The following SVEP1 variants were observed in gnomAD, a reference collection of about 807,000 sequenced individuals.
SVEP1 encodes the protein sushi, von Willebrand factor type A, EGF and pentraxin domain containing 1, also known as sushi, von Willebrand factor type A, EGF and pentraxin domain-containing protein 1.
Under a neutral mutation model 367.3 loss-of-function variants are expected in SVEP1, and 164 were observed. The ratio of observed to expected loss-of-function variants is 0.45; its 90% CI spans 0.39 to 0.51. The LOEUF (loss-of-function observed/expected upper bound fraction) is 0.51. Ranked by LOEUF, SVEP1 falls within the 20% of genes least tolerant of loss-of-function variation. SVEP1 has a pLI of 0.00. For synonymous variants in SVEP1, 1,666 were observed against 1,611.6 expected, an observed-to-expected ratio of 1.03 and a Z score of -0.81; for missense variants, 4,117 against 4,425.3, an observed-to-expected ratio of 0.93 and a Z score of 1.98.
At chr9:110,381,195 T>A (rs1827430124) in intron 43 of SVEP1, among the ~76,000 whole-genome samples, 1 of 152,306 alleles carries the variant, frequency 6.6e-6, no homozygotes, top group Non-Finnish European at 1.5e-5. Flanking sequence ...TTTTTGTGTC[T>A]GTATCTCCTT....
chr9:110,423,168 T>G (rs1158175075), intron 36 of SVEP1, among the ~76,000 whole-genome samples: 4 of 103,636 alleles, frequency 3.9e-5, no homozygotes, highest in Non-Finnish European at 8.1e-5. Flanking sequence ...AAAAATAAAG[T>G]AAAAAAAAAA....
Position 110,528,156 on chromosome 9 carries a change from G to GTGTGTGCATATATA in SVEP1, c.965-14051_965-14050insTATATATGCACACA. Among the ~76,000 whole-genome samples the GTGTGTGCATATATA allele has an allele frequency of 1.5e-4, 5 of 33,950 alleles. No individual in the cohort carries two copies. In the South Asian group the frequency reaches 2.9e-3, roughly 20 times the overall value. The allele number at this position is 33,950 out of a possible 152,430, so 22.3% of individuals were successfully genotyped here. On this transcript the variant is annotated intron_variant, in intron 3 of 47. Transcript: ENST00000374469. Reference sequence around the variant, plus strand: ...CGTGTGTGTGTGTGTGTGTGTGTGTGTATATATATATATATATATATATAT... The same window carrying GTGTGTGCATATATA: ...CGTGTGTGTGTGTGTGTGTGTGTGTGTGTGTGCATATATATATATATATATATATATATATATAT...
rs549097556 is a variant in SVEP1 at position 110,565,508 on chromosome 9, C to G, written c.531+13505G>C. On this transcript the variant is annotated intron_variant, in intron 1 of 47. Transcript: ENST00000374469. ...GCTAAAAGATATGATCTCCTACTGC[C>G]TCAGTGGCTTGGTCTCTGCAAGGAC... is the stretch of plus-strand genomic sequence containing the variant. Among the ~76,000 whole-genome samples, 8 of 152,294 alleles carry G rather than the reference C, an allele frequency of 5.3e-5. No individual in the cohort carries two copies. The South Asian group carries it at 1.7e-3, about 32-fold the overall frequency.
chr9:110,488,445 G>A (rs1349416091), intron 9 of SVEP1, among the ~76,000 whole-genome samples: 1 of 152,012 alleles, frequency 6.6e-6, no homozygotes, highest in African/African-American at 2.4e-5. Flanking sequence ...CTGAGGAAGA[G>A]AAGCCTACAA....
intron 1 of SVEP1, among the ~76,000 whole-genome samples, chr9:110,574,767 G>GGA (rs1564180557): frequency 2.2e-5 from 2 of 92,636 alleles, no homozygotes; most frequent in Admixed American, 1.0e-4. Context: ...TTTTTTTTTT[G>GGA]AGGAGTCTCA....
intron 26 of SVEP1, among the ~76,000 whole-genome samples, chr9:110,444,517 A>G (rs2118592420): frequency 6.6e-6 from 1 of 152,356 alleles, no homozygotes; most frequent in African/African-American, 2.4e-5. Flanking sequence ...TATGTCAGAC[A>G]AAGTATGCTG....
chr9:110,397,866 T>C (rs1359509132), intron 40 of SVEP1, among the ~76,000 whole-genome samples: 5 of 152,016 alleles, frequency 3.3e-5, no homozygotes, highest in Non-Finnish European at 7.4e-5. Context: ...TGGAAGAACA[T>C]TCCATGCTCA....
chr9:110,460,888 A>T (rs1199653862), intron 18 of SVEP1, among the ~76,000 whole-genome samples: 7 of 152,204 alleles, frequency 4.6e-5, no homozygotes, highest in Non-Finnish European at 5.9e-5. Flanking sequence ...AAGCTTTATT[A>T]TGACTAACTT....
chr9:110,368,176 GTGACA>G (rs1827226294), intron 47 of SVEP1, among the ~76,000 whole-genome samples: 1 of 152,172 alleles, frequency 6.6e-6, no homozygotes, highest in Admixed American at 6.5e-5. Context: ...GGAAGAGGTG[GTGACA>G]TGGGAGGTGG....
intron 36 of SVEP1, among the ~76,000 whole-genome samples, chr9:110,416,221 GA>G (rs368881377): frequency 1.3e-5 from 2 of 151,236 alleles, no homozygotes; most frequent in African/African-American, 4.9e-5. Flanking sequence ...TGAGATAATA[GA>G]AAAAAAGCTC....
Position 110,411,153 on chromosome 9 carries a change from G to A in SVEP1, c.6558C>T (p.Cys2186=), listed in dbSNP as rs764460775. The part of the protein sequence containing the change: ...FYIKGEKKST[C]EATGQWSSPI... The stretch of plus-strand genomic sequence containing the variant: ...GACTACTCCACTGCCCTGTGGCTTC[G>A]CAGGTGCTCTTCTTTTCCCCTTTGA... The change falls in exon 37 of 48, where the codon TGC becomes TGT. Residue 2186 remains cysteine, a synonymous_variant. Coordinates refer to ENST00000374469, the MANE Select transcript of SVEP1 (RefSeq NM_153366.4). 6.2e-6 allele frequency: 10 copies of A among 1,613,810 alleles called. No individual in the cohort carries two copies. Among genetic ancestry groups the A allele is most frequent in the Admixed American group, 5.0e-5 (3 of 59,980 alleles).
At chr9:110,496,310 C>T (rs367661835) in intron 8 of SVEP1, among the ~76,000 whole-genome samples, 7 of 152,292 alleles carry the variant, frequency 4.6e-5, no homozygotes, top group African/African-American at 1.7e-4. Flanking sequence ...CACCCTCAGT[C>T]TGGGTGGGCA....
At chr9:110,508,678 G>A (rs560305596) in intron 5 of SVEP1, among the ~76,000 whole-genome samples, 6 of 150,116 alleles carry the variant, frequency 4.0e-5, no homozygotes, top group Non-Finnish European at 7.4e-5. Context: ...GGAGAATGGC[G>A]TGAACCCAGG....
At position 110,496,795 on chromosome 9, in the gene SVEP1, C is replaced by T; in HGVS notation, c.1800+20G>A. 2 of 1,510,242 alleles carry T rather than the reference C, an allele frequency of 1.3e-6. No homozygotes were observed. The highest frequency in any genetic ancestry group is 2.5e-5 in the East Asian group (1 of 40,718). 93.6% of individuals were successfully genotyped at this position (1,510,242 alleles called of 1,614,324 possible). On this transcript the variant is annotated intron_variant, in intron 8 of 47. Coordinates refer to ENST00000374469, the MANE Select transcript of SVEP1 (RefSeq NM_153366.4). Reference sequence around the variant, plus strand: ...TTAGAATTCATTTGAAAAGGATGCACATAATTGCACAAACCTTACCTTTTC... The same window carrying T: ...TTAGAATTCATTTGAAAAGGATGCATATAATTGCACAAACCTTACCTTTTC...
intron 20 of SVEP1, chr9:110,458,126 A>C: frequency 2.0e-6 from 1 of 511,888 alleles, no homozygotes. Context: ...CTGCCTGCCA[A>C]TTAGAAAAGG....
At position 110,408,748 on chromosome 9, in the gene SVEP1, G is replaced by A. The variant is rs1365661648; in HGVS notation, c.6852C>T (p.Ser2284=). The part of the protein sequence containing the change: ...FMKGENFEVG[S]KVQFFCNEGY... ...CCTCATTACAGAAAAACTGAACCTT[G>A]GACCCTACTTCAAAGTTTTCTCCTT... Residue 2284 remains serine, a synonymous_variant, in exon 38 of 48, where the codon TCC becomes TCT. Coordinates refer to ENST00000374469, the MANE Select transcript of SVEP1 (RefSeq NM_153366.4). 6.2e-7 allele frequency: 1 copy of A among 1,613,780 alleles called. No homozygotes were observed. The highest frequency in any genetic ancestry group is 8.5e-7 in the Non-Finnish European group (1 of 1,179,896).
intron 1 of SVEP1, among the ~76,000 whole-genome samples, chr9:110,555,220 G>A (rs1411650221): frequency 2.0e-5 from 3 of 149,666 alleles, no homozygotes; most frequent in Non-Finnish European, 4.4e-5. Flanking sequence ...GGAGAAGTGG[G>A]GAAAAAAAAA....
intron 6 of SVEP1, among the ~76,000 whole-genome samples, chr9:110,502,603 T>C (rs960034051): frequency 1.3e-5 from 2 of 152,206 alleles, no homozygotes; most frequent in African/African-American, 2.4e-5. Context: ...CAGTTGAATG[T>C]TCAGTTATTT....
Position 110,431,897 on chromosome 9 carries a change from T to C in SVEP1, c.5353+18A>G. ...AAGAATGGAATTAGGAACTTTTAGT[T>C]CTACATATATTGGTTACCTGCACAG... On this transcript the variant is annotated intron_variant, in intron 32 of 47. Transcript: ENST00000374469. 1 of 1,613,290 alleles carries C rather than the reference T, an allele frequency of 6.2e-7. No individual in the cohort carries two copies. The highest frequency in any genetic ancestry group is 8.5e-7 in the Non-Finnish European group (1 of 1,179,480).
Sources: gnomAD v4.1 joint callset for allele counts (sites outside exome capture counted in the v4.1 genomes callset) on GRCh38, gnomAD v4.1.1 for gene constraint, MANE v1.5 for transcripts, NCBI Gene and HGNC (gene_info 2026-07-23, HGNC 2026-07-21) for gene names.